Variants in PTCD1 observed in about 807,000 individuals in gnomAD.
The protein encoded by PTCD1 is pentatricopeptide repeat domain 1.
A neutral mutation model predicts 53.4 loss-of-function variants in PTCD1; 50 were observed. The ratio of observed to expected loss-of-function variants is 0.94; its 90% CI spans 0.75 to 1.19. The LOEUF (loss-of-function observed/expected upper bound fraction) is 1.19. PTCD1 is among the 50% of genes most tolerant of loss of function. The probability of loss-of-function intolerance (pLI) is 0.00; values close to 1 mark genes in which losing one functional copy is unlikely to be tolerated. For missense variants in PTCD1, 918 were observed against 904.8 expected, an observed-to-expected ratio of 1.01 and a Z score of -0.19; for synonymous variants, 413 against 394.8, an observed-to-expected ratio of 1.05 and a Z score of -0.55.
chr7:99,423,386 G>A (rs1761871768), intron 7 of PTCD1, among the ~76,000 whole-genome samples: 1 of 152,130 alleles, frequency 6.6e-6, no homozygotes, highest in African/African-American at 2.4e-5. Flanking sequence ...GAAGGGGGAG[G>A]GGAGACTTTC....
At chr7:99,432,098 T>C (rs996094892) in intron 3 of PTCD1, among the ~76,000 whole-genome samples, 5 of 152,094 alleles carry the variant, frequency 3.3e-5, no homozygotes, top group Non-Finnish European at 7.4e-5. Context: ...TTGTCCAAGG[T>C]TTCTCCCCAT....
At position 99,429,574 on chromosome 7, in the gene PTCD1, AG is replaced by A. The variant is rs750604518; in HGVS notation, c.813+13del. The A allele has an allele frequency of 1.2e-6, 2 of 1,614,192 alleles. No homozygotes were observed. The highest frequency in any genetic ancestry group is 1.7e-6 in the Non-Finnish European group (2 of 1,180,026). On this transcript the variant is annotated intron_variant, in intron 4 of 7. Coordinates refer to ENST00000292478, the MANE Select transcript of PTCD1 (RefSeq NM_015545.4). ...GCCCCATGAAGGGGAGCAGGACGGCAGGGGAAGCCCCACCTTGAACACATCG... is the reference window on the plus strand; with the variant it reads ...GCCCCATGAAGGGGAGCAGGACGGCAGGGAAGCCCCACCTTGAACACATCG...
At chr7:99,438,422 A>AC (rs1796582052) in intron 1 of PTCD1, 1 of 726,866 alleles carries the variant, frequency 1.4e-6, no homozygotes, top group South Asian at 3.2e-5. Flanking sequence ...CTATGATCGT[A>AC]CCCCTGTACT....
At chr7:99,435,723 A>G (rs1465558017) in intron 1 of PTCD1, among the ~76,000 whole-genome samples, 2 of 151,976 alleles carry the variant, frequency 1.3e-5, no homozygotes, top group African/African-American at 4.8e-5. Flanking sequence ...TGGGAGGCCG[A>G]GGCGGGCAGA....
At chr7:99,423,021 C>T (rs1292847356) in intron 7 of PTCD1, among the ~76,000 whole-genome samples, 1 of 151,652 alleles carries the variant, frequency 6.6e-6, no homozygotes, top group Admixed American at 6.6e-5. Context: ...TTTTTCACCA[C>T]CACACCGGGC....
At position 99,424,940 on chromosome 7, in the gene PTCD1, C is replaced by T; in HGVS notation, c.1592G>A (p.Ser531Asn). 1 of 1,614,260 alleles carries T rather than the reference C, an allele frequency of 6.2e-7. No individual in the cohort carries two copies. Among genetic ancestry groups the T allele is most frequent in the African/African-American group, 1.3e-5 (1 of 75,076 alleles). The change falls in exon 6 of 8, where the codon AGC (serine) becomes AAC (asparagine). Residue 531 changes from serine (S) to asparagine (N), a missense_variant. Physicochemically the swap from Ser to Asn is conservative, Grantham distance 46 (BLOSUM62 1). Coordinates refer to ENST00000292478, the MANE Select transcript of PTCD1 (RefSeq NM_015545.4). Reference protein sequence around the residue: ...TFFNTLVRKKSKLGDLEGAKA... With the variant: ...TFFNTLVRKKNKLGDLEGAKA... ...GGCCCCCTCCAGGTCTCCCAGCTTG[C>T]TCTTCTTTCTCACCAGCGTGTTAAA...
chr7:99,419,968 C>G lies in PTCD1; in HGVS notation c.2102G>C (p.Ter701SerextTer35). The G allele has an allele frequency of 6.2e-7, 1 of 1,614,202 alleles. No individual in the cohort carries two copies. The highest frequency in any genetic ancestry group is 8.5e-7 in the Non-Finnish European group (1 of 1,180,024). Reference protein sequence around the residue: ...ADDGCALGGR* With the variant: ...ADDGCALGGRS ...CACATTGTTCCAGCTGTGCTCCCAT[C>G]ACCTGCCCCCAAGGGCACATCCGTC... Residue 701 changes from the stop codon to serine, a stop_lost, in exon 8 of 8, where the codon TGA (stop) becomes TCA (serine). Transcript: ENST00000292478.
At chr7:99,423,985 AGAT>A (rs1328714789) in intron 6 of PTCD1, 28 bp from the exon 7 acceptor site, 2 of 1,610,190 alleles carry the variant, frequency 1.2e-6, no homozygotes, top group South Asian at 2.2e-5. Flanking sequence ...CGTAGAATCA[AGAT>A]GATGGCAGCC....
Position 99,419,197 on chromosome 7 carries a change from G to T in PTCD1, c.*770C>A. Reference sequence around the variant, plus strand: ...AAATAGACATACAGATGTAACCTCGGTGTCAACAGCAGCTGGTTCTACCTT... The same window carrying T: ...AAATAGACATACAGATGTAACCTCGTTGTCAACAGCAGCTGGTTCTACCTT... On this transcript the variant is annotated 3_prime_UTR_variant, in exon 8 of 8. Transcript: ENST00000292478. 1.7e-6 allele frequency: 1 copy of T among 602,028 alleles called. No individual in the cohort carries two copies. Among genetic ancestry groups the T allele is most frequent in the South Asian group, 2.0e-5 (1 of 51,234 alleles). 37.3% of individuals were successfully genotyped at this position (602,028 alleles called of 1,614,324 possible). A position where few individuals can be genotyped will look rare whatever the true frequency, so the allele number is the denominator to read the frequency against.
At chr7:99,431,778 A>G (rs2150957981) in intron 3 of PTCD1, among the ~76,000 whole-genome samples, 1 of 152,316 alleles carries the variant, frequency 6.6e-6, no homozygotes, top group East Asian at 1.9e-4. Flanking sequence ...AAGAGAGATC[A>G]GACTGTTACT....
chr7:99,417,643 GC>G lies in PTCD1; in HGVS notation c.*2323del, dbSNP rs1795578182. 2 of 1,602,132 alleles carry G rather than the reference GC, an allele frequency of 1.2e-6. No individual in the cohort carries two copies. The highest frequency in any genetic ancestry group is 2.7e-5 in the African/African-American group (2 of 74,886). On this transcript the variant is annotated 3_prime_UTR_variant, in exon 8 of 8. Transcript: ENST00000292478. The stretch of plus-strand genomic sequence containing the variant: ...GGTGTTGTTTTCAGCTCAAAATTCT[GC>G]CTTAGTCGACTGCAAGGGATCTTAT...
chr7:99,432,286 T>C (rs549059206), intron 3 of PTCD1, among the ~76,000 whole-genome samples: 1 of 152,326 alleles, frequency 6.6e-6, no homozygotes, highest in East Asian at 1.9e-4. Flanking sequence ...GGGAATGGAA[T>C]GTCTTGGGTG....
rs1003967626 is a variant in PTCD1 at position 99,417,065 on chromosome 7, CT to C, written c.*2901del. 0.026 allele frequency: 5,369 copies of C among 204,650 alleles called. No homozygotes were observed. Among genetic ancestry groups the C allele is most frequent in the South Asian group, 0.061 (1,031 of 16,870 alleles). The allele number at this position is 204,650 out of a possible 1,614,324, so 12.7% of individuals were successfully genotyped here. A position where few individuals can be genotyped will look rare whatever the true frequency, so the allele number is the denominator to read the frequency against. ...ACTGTCCCGTTGCAATACTGAATGCCTTTTTTTTTTTGAGATGGAGTTTCGC... is the reference window on the plus strand; with the variant it reads ...ACTGTCCCGTTGCAATACTGAATGCCTTTTTTTTTTGAGATGGAGTTTCGC... On this transcript the variant is annotated 3_prime_UTR_variant, in exon 8 of 8. Transcript: ENST00000292478.
chr7:99,434,531 C>G (rs1305145531), intron 2 of PTCD1, among the ~76,000 whole-genome samples: 3 of 147,742 alleles, frequency 2.0e-5, no homozygotes, highest in Non-Finnish European at 4.5e-5. Flanking sequence ...GAGACAGACT[C>G]TTGTTCTGTG....
rs1795508241 is a variant in PTCD1, at chr7:99,416,903, T to G, written c.*3064A>C. On this transcript the variant is annotated 3_prime_UTR_variant, in exon 8 of 8. Coordinates refer to ENST00000292478, the MANE Select transcript of PTCD1 (RefSeq NM_015545.4). ...ACCCAGCTAATTTTTAAATTTTTTG[T>G]GGAGATGGGCCCTTGGCCCAGGCTG... The G allele has an allele frequency of 6.2e-6, 1 of 161,292 alleles. No homozygotes were observed. The highest frequency in any genetic ancestry group is 1.6e-4 in the South Asian group (1 of 6,216). 10.0% of individuals were successfully genotyped at this position (161,292 alleles called of 1,614,324 possible). A position where few individuals can be genotyped will look rare whatever the true frequency, so the allele number is the denominator to read the frequency against.
Position 99,429,711 on chromosome 7 carries a change from G to A in PTCD1, c.690C>T (p.Ser230=), listed in dbSNP as rs200950871. The change falls in exon 4 of 8, where the codon AGC becomes AGT. Residue 230 remains serine, a synonymous_variant. Coordinates refer to ENST00000292478, the MANE Select transcript of PTCD1 (RefSeq NM_015545.4). ...ESPWKDSALQ[S]ALKLRQQLQA... ...GCAGCTGCTGCCGGAGCTTCAGGGCGCTCTGTAGAGCTGAGTCCTTCCAGG... is the reference window on the plus strand; with the variant it reads ...GCAGCTGCTGCCGGAGCTTCAGGGCACTCTGTAGAGCTGAGTCCTTCCAGG... 111 of 1,614,240 alleles carry A rather than the reference G, an allele frequency of 6.9e-5. No homozygotes were observed. Among genetic ancestry groups the A allele is most frequent in the South Asian group, 1.2e-4 (11 of 91,082 alleles).
intron 3 of PTCD1, among the ~76,000 whole-genome samples, chr7:99,432,740 C>A (rs1408663456): frequency 1.3e-5 from 2 of 152,154 alleles, no homozygotes; most frequent in Non-Finnish European, 2.9e-5. Flanking sequence ...CGAGAAACGC[C>A]CACAGGTGTG....
Position 99,434,608 on chromosome 7 carries a change from T to A in PTCD1, c.453+182A>T, listed in dbSNP as rs199639219. Among the ~76,000 whole-genome samples the A allele has an allele frequency of 2.2e-4, 29 of 132,286 alleles. No homozygotes were observed. In the East Asian group the frequency reaches 3.8e-3, roughly 17 times the overall value. 86.8% of individuals were successfully genotyped at this position (132,286 alleles called of 152,430 possible). A position where few individuals can be genotyped will look rare whatever the true frequency, so the allele number is the denominator to read the frequency against. On this transcript the variant is annotated intron_variant, in intron 2 of 7. Coordinates refer to ENST00000292478, the MANE Select transcript of PTCD1 (RefSeq NM_015545.4). ...CTCCGTCTCTACAAAAAAAAAAAAATACAATAAAATAAAACTGCGGTGGAG... is the reference window on the plus strand; with the variant it reads ...CTCCGTCTCTACAAAAAAAAAAAAAAACAATAAAATAAAACTGCGGTGGAG...
intron 3 of PTCD1, among the ~76,000 whole-genome samples, chr7:99,432,394 G>A (rs749777919): frequency 2.0e-5 from 3 of 152,202 alleles, no homozygotes; most frequent in East Asian, 1.9e-4. Context: ...TTTGATGCAC[G>A]AGATGTTGTG....
Sources: gnomAD v4.1 joint callset for allele counts (sites outside exome capture counted in the v4.1 genomes callset) on GRCh38, gnomAD v4.1.1 for gene constraint, MANE v1.5 for transcripts, NCBI Gene and HGNC (gene_info 2026-07-23, HGNC 2026-07-21) for gene names.